Variants in YY1 observed in about 807,000 individuals in gnomAD.
YY1 encodes the protein transcriptional repressor protein YY1.
Under a neutral mutation model 35.6 loss-of-function variants are expected in YY1, and 2 were observed. That is an observed-to-expected ratio of 0.06 (90% confidence interval 0.02 to 0.18). YY1 has a LOEUF of 0.18. Among genes scored for constraint, YY1 ranks in the 10% least tolerant of loss-of-function variants. The pLI is 1.00. For missense variants in YY1, 322 were observed against 573.4 expected, an observed-to-expected ratio of 0.56 and a Z score of 4.48; for synonymous variants, 268 against 238.9, an observed-to-expected ratio of 1.12 and a Z score of -1.12.
intron 1 of YY1, among the ~76,000 whole-genome samples, chr14:100,242,908 C>T (rs1362236609): frequency 3.9e-5 from 6 of 152,172 alleles, no homozygotes; most frequent in Non-Finnish European, 7.3e-5. Context: ...ACCACCACCC[C>T]TGGCTATAAT....
At chr14:100,263,698 C>T (rs552130199) in intron 2 of YY1, 72 of 151,882 alleles carry the variant, frequency 4.7e-4, no homozygotes, top group African/African-American at 1.7e-3. Context: ...TGATCTTGCA[C>T]ATTCTAAGAA....
chr14:100,265,740 C>T (rs1891144785), intron 2 of YY1, among the ~76,000 whole-genome samples: 1 of 151,544 alleles, frequency 6.6e-6, no homozygotes, highest in East Asian at 1.9e-4. Flanking sequence ...GCCTCTTCCA[C>T]CCGGGTTCAA....
intron 2 of YY1, among the ~76,000 whole-genome samples, chr14:100,272,981 G>A (rs796873434): frequency 1.0e-4 from 12 of 117,338 alleles, no homozygotes; most frequent in South Asian, 3.1e-4. Flanking sequence ...TTTTTTTTGA[G>A]ACGGTATTTC....
At chr14:100,239,944 C>G (rs1287161863) in intron 1 of YY1, 21 bp downstream of exon 1, 26 of 1,513,824 alleles carry the variant, frequency 1.7e-5, no homozygotes, top group Non-Finnish European at 2.3e-5. Flanking sequence ...GCCGCGCGCC[C>G]CGGCCCCGGG....
intron 1 of YY1, among the ~76,000 whole-genome samples, chr14:100,242,392 T>G (rs796765710): frequency 0.014 from 2,013 of 139,146 alleles, 42 homozygotes; most frequent in Non-Finnish European, 0.02. Context: ...TTTTTTTTTT[T>G]TTTTTTTTTT....
intron 1 of YY1, among the ~76,000 whole-genome samples, 191 bp downstream of exon 1, chr14:100,240,114 C>G (rs1303239151): frequency 6.9e-6 from 1 of 145,026 alleles, no homozygotes; most frequent in East Asian, 2.0e-4. Flanking sequence ...GGCGGCAGGC[C>G]GCGGGGGGGA....
chr14:100,250,984 TTC>T (rs1193843088), intron 1 of YY1, among the ~76,000 whole-genome samples: 1 of 152,002 alleles, frequency 6.6e-6, no homozygotes, highest in East Asian at 1.9e-4. Flanking sequence ...CATAATGAGA[TTC>T]TGTCTCAAAT....
In YY1 at chr14:100,239,484, C is replaced by T. The variant is rs772186005; in HGVS notation, c.240C>T (p.His80=). The T allele has an allele frequency of 1.2e-6, 2 of 1,607,218 alleles. No individual in the cohort carries two copies. Among genetic ancestry groups the T allele is most frequent in the South Asian group, 1.1e-5 (1 of 90,726 alleles). ...HHHHHHHHHH[H]PPMIALQPLV... ...ACCACCACCATCACCACCACCACCA[C>T]CCGCCCATGATCGCTCTGCAGCCGC... Residue 80 remains histidine, a synonymous_variant, in exon 1 of 5, where the codon CAC becomes CAT. Coordinates refer to ENST00000262238, the MANE Select transcript of YY1 (RefSeq NM_003403.5).
rs745977468 is a variant in YY1 at position 100,239,734 on chromosome 14, T to C, written c.490T>C (p.Ser164Pro). The C allele has an allele frequency of 5.1e-6, 8 of 1,583,772 alleles. No homozygotes were observed. In the African/African-American group the frequency reaches 5.6e-5, roughly 11 times the overall value. The change falls in exon 1 of 5, where the codon TCG becomes CCG. Residue 164 changes from serine to proline, a missense_variant. Physicochemically the swap from Ser to Pro is moderately conservative, Grantham distance 74 (BLOSUM62 -1). Coordinates refer to ENST00000262238, the MANE Select transcript of YY1 (RefSeq NM_003403.5). ...GGCCGGCAAGAGCGGCGGCGGCGGCTCGTCGTCGTCGGGAGGCGGCCGCGT... is the reference window on the plus strand; with the variant it reads ...GGCCGGCAAGAGCGGCGGCGGCGGCCCGTCGTCGTCGGGAGGCGGCCGCGT... ...AAAGKSGGGG[S>P]SSSGGGRVKK...
chr14:100,259,472 A>G lies in YY1; in HGVS notation c.680-2832A>G, dbSNP rs143269348. ...GAGGCGGAGGTTGCAGTGAGCTGAG[A>G]TTGTGCCACTGCACTCTAGCCTGGG... On this transcript the variant is annotated intron_variant, in intron 1 of 4. Coordinates refer to ENST00000262238, the MANE Select transcript of YY1 (RefSeq NM_003403.5). Among the ~76,000 whole-genome samples, 74 of 152,158 alleles carry G rather than the reference A, an allele frequency of 4.9e-4. 2 individuals are homozygous for G. The highest frequency in any genetic ancestry group is 1.6e-3 in the African/African-American group (68 of 41,516).
At chr14:100,264,942 C>T (rs1459530781) in intron 2 of YY1, among the ~76,000 whole-genome samples, 2 of 152,042 alleles carry the variant, frequency 1.3e-5, no homozygotes, top group African/African-American at 4.8e-5. Context: ...GACTCCATCT[C>T]TAAAAGCTCA....
At position 100,279,044 on chromosome 14, in the gene YY1, CTG is replaced by C. The variant is rs1891371449; in HGVS notation, c.*1445_*1446del. The C allele has an allele frequency of 6.6e-6, 1 of 152,216 alleles. No homozygotes were observed. The highest frequency in any genetic ancestry group is 1.5e-5 in the Non-Finnish European group (1 of 68,036). 9.4% of individuals were successfully genotyped at this position (152,216 alleles called of 1,614,324 possible). ...TTAATTTCATGTTTCTAAATGGACACTGGGTGCAAATCGGCAAGGTGATTAGA... is the reference window on the plus strand; with the variant it reads ...TTAATTTCATGTTTCTAAATGGACACGGTGCAAATCGGCAAGGTGATTAGA... On this transcript the variant is annotated 3_prime_UTR_variant, in exon 5 of 5. Transcript: ENST00000262238.
chr14:100,252,638 T>C (rs918310449), intron 1 of YY1, among the ~76,000 whole-genome samples: 10 of 152,262 alleles, frequency 6.6e-5, no homozygotes, highest in Admixed American at 6.5e-5. Flanking sequence ...AATGACTGTA[T>C]TCTCAGCTTT....
chr14:100,260,148 C>T, intron 1 of YY1, among the ~76,000 whole-genome samples: 1 of 152,018 alleles, frequency 6.6e-6, no homozygotes, highest in East Asian at 1.9e-4. Flanking sequence ...GCAATCTCGG[C>T]TCACTGCAAC....
chr14:100,239,205 A>C lies in YY1; in HGVS notation c.-40A>C, dbSNP rs1293480471. 4 of 1,415,804 alleles carry C rather than the reference A, an allele frequency of 2.8e-6. No individual in the cohort carries two copies. The highest frequency in any genetic ancestry group is 2.7e-6 in the Non-Finnish European group (3 of 1,091,102). 87.7% of individuals were successfully genotyped at this position (1,415,804 alleles called of 1,614,324 possible). On this transcript the variant is annotated 5_prime_UTR_variant, in exon 1 of 5. Coordinates refer to ENST00000262238, the MANE Select transcript of YY1 (RefSeq NM_003403.5). The stretch of plus-strand genomic sequence containing the variant: ...CTCGCCCGCCCGCCCGCAGCCGAGG[A>C]GCCGAGGCCGCCGCGGCCGTGGCGG...
At chr14:100,244,629 C>G (rs992684272) in intron 1 of YY1, among the ~76,000 whole-genome samples, 1 of 148,222 alleles carries the variant, frequency 6.7e-6, no homozygotes, top group African/African-American at 2.5e-5. Flanking sequence ...GTCACCCAGG[C>G]TAGAGTGCAG....
At chr14:100,266,436 A>C (rs1483015101) in intron 2 of YY1, among the ~76,000 whole-genome samples, 1 of 152,180 alleles carries the variant, frequency 6.6e-6, no homozygotes, top group Admixed American at 6.5e-5. Context: ...ATGGGTGGTG[A>C]GCAGTAAAGC....
In YY1 at chr14:100,280,971, A is replaced by G. The variant is rs754979639; in HGVS notation, c.*3371A>G. ...TAATTTCGGGAGGCTGAGGCAGGAG[A>G]ACGGCGTGAACCCGGGAGGCGGAGC... On this transcript the variant is annotated 3_prime_UTR_variant, in exon 5 of 5. Coordinates refer to ENST00000262238, the MANE Select transcript of YY1 (RefSeq NM_003403.5). 1 of 149,752 alleles carries G rather than the reference A, an allele frequency of 6.7e-6. No individual in the cohort carries two copies. Among genetic ancestry groups the G allele is most frequent in the Non-Finnish European group, 1.5e-5 (1 of 67,716 alleles). The allele number at this position is 149,752 out of a possible 1,614,324, so 9.3% of individuals were successfully genotyped here.
intron 1 of YY1, among the ~76,000 whole-genome samples, chr14:100,246,658 GA>G (rs1251228350): frequency 6.6e-6 from 1 of 152,218 alleles, no homozygotes; most frequent in African/African-American, 2.4e-5. Context: ...CAAGGAAGTT[GA>G]AATGCATTGA....
Sources: allele counts gnomAD v4.1 joint callset (sites outside exome capture counted in the v4.1 genomes callset), GRCh38; gene constraint gnomAD v4.1.1; transcripts MANE v1.5; gene names NCBI Gene and HGNC (gene_info 2026-07-23, HGNC 2026-07-21).